Variants in GUCA1B observed in about 807,000 individuals in gnomAD.
GUCA1B encodes guanylate cyclase activator 1B, also known as guanylyl cyclase-activating protein 2.
Under a neutral mutation model 24.2 loss-of-function variants are expected in GUCA1B, and 22 were observed. The ratio of observed to expected loss-of-function variants is 0.91; its 90% CI spans 0.65 to 1.30. The LOEUF is 1.30. Ranked by LOEUF, GUCA1B falls within the 50% of genes most tolerant of loss-of-function variation. The pLI, the probability that GUCA1B is intolerant of heterozygous loss-of-function variation, is 0.00. For missense variants in GUCA1B, 221 were observed against 258.8 expected, an observed-to-expected ratio of 0.85 and a Z score of 1.00; for synonymous variants, 100 against 97.9, an observed-to-expected ratio of 1.02 and a Z score of -0.13.
At chr6:42,188,886 T>TTCTATCTATCATCTATCTATCTATCTA (rs1554187119) in intron 1 of GUCA1B, among the ~76,000 whole-genome samples, 155 bp from the exon 2 acceptor site, 6,496 of 116,398 alleles carry the variant, frequency 0.056, 234 homozygotes, top group Middle Eastern at 0.1. Flanking sequence ...GTAGAGAACA[T>TTCTATCTATCATCTATCTATCTATCTA]TCTATCTATC....
At chr6:42,186,055 T>G (rs1768186866) in intron 2 of GUCA1B, among the ~76,000 whole-genome samples, 1 of 152,246 alleles carries the variant, frequency 6.6e-6, no homozygotes, top group Non-Finnish European at 1.5e-5. Flanking sequence ...CACTGTGAGC[T>G]GCAAAGCCCA....
chr6:42,183,712 C>G lies in GUCA1B; in HGVS notation c.*1103G>C, dbSNP rs890141254. 6.6e-6 allele frequency among the ~76,000 whole-genome samples: 1 copy of G among 152,136 alleles called. No individual in the cohort carries two copies. The highest frequency in any genetic ancestry group is 1.9e-4 in the East Asian group (1 of 5,186). ...AATCCCAGTCAACAGTCCCCCAATT[C>G]TTGCCAGAGACAGACAGAAGTTTTC... On this transcript the variant is annotated 3_prime_UTR_variant, in exon 4 of 4. Transcript: ENST00000230361.
At position 42,188,617 on chromosome 6, in the gene GUCA1B, A is replaced by T. The variant is rs768840725; in HGVS notation, c.322T>A (p.Cys108Ser). ...TTGAGTAGCTCCAGGCGGTCGATGCAGCCATTGCCATCCTTATCATAGATC... is the reference window on the plus strand; with the variant it reads ...TTGAGTAGCTCCAGGCGGTCGATGCTGCCATTGCCATCCTTATCATAGATC... ...FKIYDKDGNG[C>S]IDRLELLNIV... The change falls in exon 2 of 4, where the codon TGC becomes AGC. Residue 108 changes from cysteine to serine, a missense_variant. Transcript: ENST00000230361. 4 of 1,614,134 alleles carry T rather than the reference A, an allele frequency of 2.5e-6. No individual in the cohort carries two copies. Among genetic ancestry groups the T allele is most frequent in the Non-Finnish European group, 3.4e-6 (4 of 1,179,984 alleles).
At chr6:42,190,274 G>A (rs1335536408) in intron 1 of GUCA1B, among the ~76,000 whole-genome samples, 2 of 151,392 alleles carry the variant, frequency 1.3e-5, no homozygotes, top group African/African-American at 4.9e-5. Context: ...ATCTAATTGA[G>A]GTCAGATTAT....
At chr6:42,191,956 T>A (rs1177944229) in intron 1 of GUCA1B, among the ~76,000 whole-genome samples, 3 of 118,686 alleles carry the variant, frequency 2.5e-5, no homozygotes, top group African/African-American at 6.8e-5. Flanking sequence ...CACAGTCAAA[T>A]AAAAAAGAAA....
At position 42,183,519 on chromosome 6, in the gene GUCA1B, A is replaced by G. The variant is rs748956902; in HGVS notation, c.*1296T>C. Among the ~76,000 whole-genome samples, 8 of 152,204 alleles carry G rather than the reference A, an allele frequency of 5.3e-5. No individual in the cohort carries two copies. The highest frequency in any genetic ancestry group is 8.8e-5 in the Non-Finnish European group (6 of 68,036). On this transcript the variant is annotated 3_prime_UTR_variant, in exon 4 of 4. Transcript: ENST00000230361. ...AATCTAGTTTCTATATTGGGGTTAC[A>G]CATAAGAGTTTATATAACAAAAAAT...
At position 42,183,795 on chromosome 6, in the gene GUCA1B, T is replaced by A. The variant is rs1018534791; in HGVS notation, c.*1020A>T. Among the ~76,000 whole-genome samples the A allele has an allele frequency of 4.6e-5, 7 of 152,016 alleles. No individual in the cohort carries two copies. Among genetic ancestry groups the A allele is most frequent in the Admixed American group, 1.3e-4 (2 of 15,248 alleles). On this transcript the variant is annotated 3_prime_UTR_variant, in exon 4 of 4. Transcript: ENST00000230361. ...GCTGGGAGTTGTGGAAGGTCCATAC[T>A]GGGGGATATGGATGGAAAGAGAGGA...
chr6:42,185,756 T>G lies in GUCA1B; in HGVS notation c.399A>C (p.Gln133His). The part of the protein sequence containing the change: ...QLKKACRREL[Q>H]TEQGQLLTPE... The stretch of plus-strand genomic sequence containing the variant: ...GTGTGAGCAGCTGGCCTTGCTCAGT[T>G]TGTAGCTCTCGCCGGCAGGCTTTCT... The change falls in exon 3 of 4, where the codon CAA becomes CAC. Residue 133 changes from glutamine to histidine, a missense_variant. Physicochemically the swap from Gln to His is conservative, Grantham distance 24. Coordinates refer to ENST00000230361, the MANE Select transcript of GUCA1B (RefSeq NM_002098.6). The G allele has an allele frequency of 6.2e-7, 1 of 1,613,578 alleles. No homozygotes were observed.
At chr6:42,192,544 T>G (rs1768329458) in intron 1 of GUCA1B, among the ~76,000 whole-genome samples, 1 of 151,798 alleles carries the variant, frequency 6.6e-6, no homozygotes, top group Non-Finnish European at 1.5e-5. Flanking sequence ...AAACCCCGTT[T>G]CTACTAAAAA....
intron 1 of GUCA1B, among the ~76,000 whole-genome samples, chr6:42,192,549 TA>T (rs1768329556): frequency 6.6e-6 from 1 of 151,750 alleles, no homozygotes; most frequent in Non-Finnish European, 1.5e-5. Flanking sequence ...CCGTTTCTAC[TA>T]AAAATACAAA....
At chr6:42,189,325 T>C (rs1768262330) in intron 1 of GUCA1B, among the ~76,000 whole-genome samples, 2 of 152,234 alleles carry the variant, frequency 1.3e-5, no homozygotes, top group South Asian at 4.1e-4. Flanking sequence ...CCATGTTATA[T>C]GCTCCTGGGG....
At chr6:42,192,917 G>A (rs894134678) in intron 1 of GUCA1B, among the ~76,000 whole-genome samples, 5 of 151,900 alleles carry the variant, frequency 3.3e-5, no homozygotes, top group African/African-American at 1.2e-4. Flanking sequence ...AATACTTAGG[G>A]ATAAACGGGC....
chr6:42,188,314 G>C (rs111400411), intron 2 of GUCA1B, among the ~76,000 whole-genome samples: 63 of 140,568 alleles, frequency 4.5e-4, no homozygotes, highest in African/African-American at 2.0e-3. Context: ...GTGTGTGTGT[G>C]TGTGTGTGTG....
At chr6:42,185,238 C>T (rs900404356) in intron 3 of GUCA1B, among the ~76,000 whole-genome samples, 14 of 152,224 alleles carry the variant, frequency 9.2e-5, no homozygotes, top group Non-Finnish European at 1.9e-4. Flanking sequence ...AGCCAGCTCT[C>T]TCCCCACATA....
Position 42,184,316 on chromosome 6 carries a change from C to A in GUCA1B, c.*499G>T, listed in dbSNP as rs528492770. On this transcript the variant is annotated 3_prime_UTR_variant, in exon 4 of 4. Coordinates refer to ENST00000230361, the MANE Select transcript of GUCA1B (RefSeq NM_002098.6). ...CCGTGTTAGCCAGGATGGTCTCGAT[C>A]TCCTGACCTCGTGATCTGCCCGCCT... The A allele has an allele frequency of 1.1e-4, 24 of 209,934 alleles. No individual in the cohort carries two copies. The highest frequency in any genetic ancestry group is 5.2e-4 in the African/African-American group (23 of 43,968). The allele number at this position is 209,934 out of a possible 1,614,324, so 13.0% of individuals were successfully genotyped here. A position where few individuals can be genotyped will look rare whatever the true frequency, so the allele number is the denominator to read the frequency against.
rs928539415 is a variant in GUCA1B, at chr6:42,188,516, C to T, written c.357+66G>A. The T allele has an allele frequency of 2.5e-5, 38 of 1,538,506 alleles. No homozygotes were observed. In the African/African-American group the frequency reaches 4.6e-4, roughly 19 times the overall value. On this transcript the variant is annotated intron_variant, in intron 2 of 3. Transcript: ENST00000230361. The stretch of plus-strand genomic sequence containing the variant: ...TTCAGTCCCCGCTGGCCACTTGTGG[C>T]CAACCTTCAGAGCTCCAGCAGTGCT...
chr6:42,187,975 A>G (rs1768225483), intron 2 of GUCA1B, among the ~76,000 whole-genome samples: 1 of 151,446 alleles, frequency 6.6e-6, no homozygotes, highest in Admixed American at 6.6e-5. Context: ...TCTCCCAAGT[A>G]GCTAGGACTA....
intron 2 of GUCA1B, 112 bp downstream of exon 2, chr6:42,188,468 CAG>C (rs778689721): frequency 1.2e-6 from 1 of 855,338 alleles, no homozygotes; most frequent in Non-Finnish European, 2.0e-6. Flanking sequence ...GAAACACACT[CAG>C]AATGATTTCA....
chr6:42,194,630 G>C lies in GUCA1B; in HGVS notation c.191C>G (p.Ala64Gly), dbSNP rs763540154. ...GTGCCTTACCCCATTCTTGTCGAAG[G>C]CTCGGAACATGCCCTCTACATACTG... Reference protein sequence around the residue: ...ASQYVEGMFRAFDKNGDNTID... With the variant: ...ASQYVEGMFRGFDKNGDNTID... Residue 64 changes from alanine (A) to glycine (G), a missense_variant, in exon 1 of 4, where the codon GCC (alanine) becomes GGC (glycine). Transcript: ENST00000230361. 6.2e-7 allele frequency: 1 copy of C among 1,611,594 alleles called. No homozygotes were observed. Among genetic ancestry groups the C allele is most frequent in the South Asian group, 1.1e-5 (1 of 91,018 alleles).
Sources: gnomAD v4.1 joint callset for allele counts (sites outside exome capture counted in the v4.1 genomes callset) on GRCh38, gnomAD v4.1.1 for gene constraint, MANE v1.5 for transcripts, NCBI Gene and HGNC (gene_info 2026-07-23, HGNC 2026-07-21) for gene names.